Variants in FARS2 observed in about 807,000 individuals in gnomAD.
FARS2 encodes phenylalanine--tRNA ligase, mitochondrial.
Under a neutral mutation model 46.4 loss-of-function variants are expected in FARS2, and 40 were observed. The ratio of observed to expected loss-of-function variants is 0.86; its 90% CI spans 0.67 to 1.12. The LOEUF is 1.12. FARS2 is among the 50% of genes most tolerant of loss of function. FARS2 has a pLI of 0.00. For synonymous variants in FARS2, 234 were observed against 214.9 expected (o/e 1.09, Z -0.78); for missense variants, 513 against 567.9 (o/e 0.90, Z 0.98).
At chr6:5,457,430 CT>C (rs961156212) in intron 4 of FARS2, among the ~76,000 whole-genome samples, 1 of 152,194 alleles carries the variant, frequency 6.6e-6, no homozygotes, top group African/African-American at 2.4e-5. Context: ...CGTTTTTGAT[CT>C]TGTTTTCCGT....
chr6:5,608,097 C>T (rs998923165), intron 5 of FARS2, among the ~76,000 whole-genome samples: 2 of 151,656 alleles, frequency 1.3e-5, no homozygotes, highest in Admixed American at 6.6e-5. Context: ...TAGTATTACT[C>T]ATTCTTGGAA....
intron 1 of FARS2, among the ~76,000 whole-genome samples, chr6:5,349,036 A>G (rs940788429): frequency 6.6e-6 from 1 of 152,210 alleles, no homozygotes; most frequent in Admixed American, 6.5e-5. Flanking sequence ...AACTATGTCT[A>G]TTTGCAAATG....
At chr6:5,320,888 G>A (rs183175708) in intron 1 of FARS2, among the ~76,000 whole-genome samples, 98 of 152,302 alleles carry the variant, frequency 6.4e-4, no homozygotes, top group African/African-American at 2.1e-3. Flanking sequence ...GTGCCCTCAC[G>A]TGGTGGTTGT....
chr6:5,624,663 C>T (rs933262556), intron 6 of FARS2, among the ~76,000 whole-genome samples: 1 of 152,194 alleles, frequency 6.6e-6, no homozygotes, highest in Non-Finnish European at 1.5e-5. Context: ...ATGGAATGCT[C>T]TCTTTCCAAG....
chr6:5,391,303 A>C (rs938776210), intron 2 of FARS2, among the ~76,000 whole-genome samples: 1 of 152,208 alleles, frequency 6.6e-6, no homozygotes, highest in Non-Finnish European at 1.5e-5. Flanking sequence ...ATTGAACCTC[A>C]CTAAGCCTCA....
At chr6:5,490,687 G>A (rs9405839) in intron 4 of FARS2, among the ~76,000 whole-genome samples, 27,552 of 152,150 alleles carry the variant, frequency 0.18, 2,850 homozygotes, top group East Asian at 0.36. Context: ...ATCTTGGTTG[G>A]TTATTTATGC....
chr6:5,541,232 AAC>A (rs1449159403), intron 4 of FARS2, among the ~76,000 whole-genome samples: 1 of 152,210 alleles, frequency 6.6e-6, no homozygotes, highest in Non-Finnish European at 1.5e-5. Context: ...ACAAGGAGAT[AAC>A]CACAGAGGCT....
intron 6 of FARS2, among the ~76,000 whole-genome samples, chr6:5,707,655 C>T: frequency 6.6e-6 from 1 of 152,226 alleles, no homozygotes; most frequent in East Asian, 1.9e-4. Flanking sequence ...TTTTCTGCCT[C>T]CCCAGGAGGG....
At chr6:5,478,422 A>G (rs1766252492) in intron 4 of FARS2, among the ~76,000 whole-genome samples, 1 of 152,212 alleles carries the variant, frequency 6.6e-6, no homozygotes, top group African/African-American at 2.4e-5. Flanking sequence ...AGACAGGAAT[A>G]TCATTTCCGT....
intron 4 of FARS2, among the ~76,000 whole-genome samples, chr6:5,439,573 G>C (rs998083569): frequency 9.9e-5 from 15 of 152,090 alleles, no homozygotes; most frequent in Admixed American, 3.3e-4. Context: ...GATTTTGGTC[G>C]TAATCAGAGA....
intron 4 of FARS2, among the ~76,000 whole-genome samples, chr6:5,487,182 G>A (rs573193354): frequency 2.0e-5 from 3 of 152,200 alleles, no homozygotes; most frequent in Non-Finnish European, 4.4e-5. Context: ...TCCAGGTGTT[G>A]TGCTGTTTCC....
chr6:5,708,853 G>A lies in FARS2; in HGVS notation c.1218-62438G>A, dbSNP rs142638551. On this transcript the variant is annotated intron_variant, in intron 6 of 6. Transcript: ENST00000274680. ...TTTTTAAATTATTTTTTGTAGAGAC[G>A]GGACCTCACTATGTTGCCCAGGCTG... Among the ~76,000 whole-genome samples the A allele has an allele frequency of 4.5e-3, 682 of 152,104 alleles. 11 individuals carry two copies. Among genetic ancestry groups the A allele is most frequent in the African/African-American group, 0.016 (659 of 41,514 alleles).
chr6:5,702,801 C>T (rs899321927), intron 6 of FARS2, among the ~76,000 whole-genome samples: 1 of 152,094 alleles, frequency 6.6e-6, no homozygotes, highest in African/African-American at 2.4e-5. Flanking sequence ...CCTTTCATGC[C>T]CCCAAACATT....
intron 4 of FARS2, among the ~76,000 whole-genome samples, chr6:5,486,341 T>A (rs990857987): frequency 6.6e-6 from 1 of 152,226 alleles, no homozygotes; most frequent in Non-Finnish European, 1.5e-5. Flanking sequence ...GGGAAGTGTT[T>A]CCCTGAGCCC....
intron 5 of FARS2, among the ~76,000 whole-genome samples, chr6:5,562,976 G>GT (rs907131621): frequency 4.1e-4 from 62 of 151,278 alleles, no homozygotes; most frequent in East Asian, 3.9e-4. Context: ...GCTAATTTTT[G>GT]TTTTTTTGTT....
intron 5 of FARS2, among the ~76,000 whole-genome samples, chr6:5,564,565 A>C (rs1395908561): frequency 6.6e-6 from 1 of 152,222 alleles, no homozygotes; most frequent in Non-Finnish European, 1.5e-5. Flanking sequence ...TTGGAGCAAA[A>C]TCTTTTTCTC....
At chr6:5,556,890 A>G (rs9328313) in intron 5 of FARS2, among the ~76,000 whole-genome samples, 103,321 of 151,936 alleles carry the variant, frequency 0.68, 35,369 homozygotes, top group Middle Eastern at 0.8. Context: ...CAGTCTATAA[A>G]ATTTGACAAA....
At chr6:5,703,112 T>C (rs180784193) in intron 6 of FARS2, among the ~76,000 whole-genome samples, 86 of 152,258 alleles carry the variant, frequency 5.6e-4, no homozygotes, top group Non-Finnish European at 1.1e-3. Flanking sequence ...TTTTTAAAAT[T>C]GAAACATTTG....
intron 6 of FARS2, among the ~76,000 whole-genome samples, chr6:5,688,222 A>G (rs1447273438): frequency 6.6e-6 from 1 of 152,212 alleles, no homozygotes; most frequent in African/African-American, 2.4e-5. Flanking sequence ...CCCTGGCCAG[A>G]ACTTCCAACA....
Sources: allele counts gnomAD v4.1 joint callset (sites outside exome capture counted in the v4.1 genomes callset), GRCh38; gene constraint gnomAD v4.1.1; transcripts MANE v1.5; gene names NCBI Gene and HGNC (gene_info 2026-07-23, HGNC 2026-07-21).